The following ARHGEF18 variants were observed in gnomAD, a reference collection of about 807,000 sequenced individuals.
ARHGEF18 encodes Rho/Rac guanine nucleotide exchange factor 18, also known as rho guanine nucleotide exchange factor 18.
A neutral mutation model predicts 155.7 loss-of-function variants in ARHGEF18; 93 were observed. The observed-to-expected ratio is 0.60, with a 90% CI of 0.50 to 0.71. The LOEUF (loss-of-function observed/expected upper bound fraction) is 0.71. ARHGEF18 is among the 30% of genes least tolerant of loss of function. The pLI is 0.00. For synonymous variants in ARHGEF18, 742 were observed against 753.1 expected, an observed-to-expected ratio of 0.99 and a Z score of 0.24; for missense variants, 1,593 against 1,816.1, an observed-to-expected ratio of 0.88 and a Z score of 2.23.
intron 10 of ARHGEF18, among the ~76,000 whole-genome samples, chr19:7,410,696 T>G (rs11882466): frequency 0.62 from 92,950 of 150,686 alleles, 29,643 homozygotes; most frequent in East Asian, 0.8. Flanking sequence ...TATAATCCCA[T>G]TTACTTGGGA....
chr19:7,378,407 A>G lies in ARHGEF18; in HGVS notation c.555A>G (p.Pro185=). Residue 185 remains proline (P), a synonymous_variant, in exon 6 of 29, where the codon CCA becomes CCG. Coordinates refer to ENST00000668164, the MANE Select transcript of ARHGEF18 (RefSeq NM_001367823.1). ...PTPPVQGLEP[P]VLECMEKDHV... Reference sequence around the variant, plus strand: ...GGCTTCTTCCAGGCCTGGAACCTCCAGTGCTGGAGTGCATGGAAAAAGACC... The same window carrying G: ...GGCTTCTTCCAGGCCTGGAACCTCCGGTGCTGGAGTGCATGGAAAAAGACC... 1 of 1,234,358 alleles carries G rather than the reference A, an allele frequency of 8.1e-7. No homozygotes were observed. Among genetic ancestry groups the G allele is most frequent in the Non-Finnish European group, 1.0e-6 (1 of 988,224 alleles). 76.5% of individuals were successfully genotyped at this position (1,234,358 alleles called of 1,614,324 possible).
intron 2 of ARHGEF18, among the ~76,000 whole-genome samples, chr19:7,367,788 TTA>T (rs1407889165): frequency 2.2e-4 from 6 of 27,576 alleles, no homozygotes; most frequent in Non-Finnish European, 5.6e-4. Context: ...TATATATATT[TTA>T]TATATATATA....
At chr19:7,427,061 C>T (rs1431127739) in intron 10 of ARHGEF18, among the ~76,000 whole-genome samples, 2 of 152,024 alleles carry the variant, frequency 1.3e-5, no homozygotes, top group African/African-American at 2.4e-5. Flanking sequence ...CTCGTAAGCT[C>T]GAGGTGGGGA....
intron 10 of ARHGEF18, among the ~76,000 whole-genome samples, chr19:7,407,425 CAAA>C (rs59665719): frequency 3.7e-5 from 4 of 108,702 alleles, no homozygotes; most frequent in African/African-American, 3.2e-5. Context: ...GACTGAGTCT[CAAA>C]AAAAAAAAAA....
At chr19:7,416,530 CGTGTGTGT>C (rs71179108) in intron 10 of ARHGEF18, among the ~76,000 whole-genome samples, 1,767 of 105,940 alleles carry the variant, frequency 0.017, 40 homozygotes, top group African/African-American at 0.05. Flanking sequence ...GGAGAAAATT[CGTGTGTGT>C]GTGTGTGTGT....
At position 7,462,656 on chromosome 19, in the gene ARHGEF18, C is replaced by A. The variant is rs1976350347; in HGVS notation, c.2635+322C>A. Reference sequence around the variant, plus strand: ...GATCTGAAGTTGACTAAGACTGGTTCCCTACCTACCAGAGGTTCCTCTTCT... The same window carrying A: ...GATCTGAAGTTGACTAAGACTGGTTACCTACCTACCAGAGGTTCCTCTTCT... On this transcript the variant is annotated intron_variant, in intron 21 of 28. Coordinates refer to ENST00000668164, the MANE Select transcript of ARHGEF18 (RefSeq NM_001367823.1). This position sits in a 1 kb window ranked among gnomAD's most constrained non-coding sequence, Gnocchi z 4.4. Among the ~76,000 whole-genome samples, 1 of 151,784 alleles carries A rather than the reference C, an allele frequency of 6.6e-6. No homozygotes were observed. Among genetic ancestry groups the A allele is most frequent in the Admixed American group, 6.6e-5 (1 of 15,250 alleles).
intron 20 of ARHGEF18, 21 bp downstream of exon 20, chr19:7,460,015 GGGCACACCCCTTGTGT>G: frequency 1.3e-6 from 2 of 1,556,608 alleles, no homozygotes; most frequent in Non-Finnish European, 1.7e-6. Context: ...GACAGCGTCT[GGGCACACCCCTTGTGT>G]GGTGAGCCCT....
At chr19:7,387,626 TG>T (rs1287468961) in intron 10 of ARHGEF18, among the ~76,000 whole-genome samples, 26 of 152,128 alleles carry the variant, frequency 1.7e-4, no homozygotes. Flanking sequence ...ACAGCTCGCC[TG>T]TTCATTTATG....
chr19:7,399,773 CTT>C (rs776187441), intron 10 of ARHGEF18, among the ~76,000 whole-genome samples: 23 of 136,032 alleles, frequency 1.7e-4, no homozygotes, highest in Admixed American at 2.2e-4. Context: ...GCCACCACGC[CTT>C]TTTTTTTTTT....
intron 10 of ARHGEF18, among the ~76,000 whole-genome samples, chr19:7,420,918 C>T (rs1253866217): frequency 1.3e-5 from 2 of 152,128 alleles, no homozygotes; most frequent in East Asian, 3.9e-4. Context: ...CAGCTCTGTT[C>T]AAAACTGTTT....
intron 13 of ARHGEF18, among the ~76,000 whole-genome samples, chr19:7,442,871 C>T (rs1974753352): frequency 6.6e-6 from 1 of 152,012 alleles, no homozygotes. Flanking sequence ...CTCACAAGGT[C>T]TTCATGGTCT....
At chr19:7,426,693 A>G (rs1036310543) in intron 10 of ARHGEF18, among the ~76,000 whole-genome samples, 8 of 152,084 alleles carry the variant, frequency 5.3e-5, no homozygotes, top group African/African-American at 1.9e-4. Context: ...CGTGGCTGAG[A>G]GAACGTTTGC....
chr19:7,361,991 G>GGAAGAAGAAGAAAGAAGAA (rs1162434534), intron 1 of ARHGEF18, among the ~76,000 whole-genome samples: 6 of 79,116 alleles, frequency 7.6e-5, no homozygotes, highest in African/African-American at 3.3e-4. Context: ...AAGACTCTGT[G>GGAAGAAGAAGAAAGAAGAA]GAAGAAGAAG....
At position 7,383,186 on chromosome 19, in the gene ARHGEF18, A is replaced by G; in HGVS notation, c.950A>G (p.Lys317Arg). The change falls in exon 10 of 29, where the codon AAA (lysine) becomes AGA (arginine). Residue 317 changes from lysine to arginine, a missense_variant. Lys to Arg is a conservative substitution (Grantham distance 26). Transcript: ENST00000668164. ...SGPSSCPLCGKPFLSSASLKE... is the reference protein window; with the variant it reads ...SGPSSCPLCGRPFLSSASLKE... ...CCCTCCAGCTGCCCCCTGTGTGGCA[A>G]ACCTTTCTTGAGCTCAGGTAAGTCT... 8 of 1,232,296 alleles carry G rather than the reference A, an allele frequency of 6.5e-6. No homozygotes were observed. The highest frequency in any genetic ancestry group is 8.1e-6 in the Non-Finnish European group (8 of 988,090). The allele number at this position is 1,232,296 out of a possible 1,614,324, so 76.3% of individuals were successfully genotyped here.
intron 10 of ARHGEF18, among the ~76,000 whole-genome samples, chr19:7,399,554 C>T (rs780989349): frequency 2.0e-5 from 3 of 151,404 alleles, no homozygotes; most frequent in Non-Finnish European, 4.4e-5. Context: ...CGATCTTGGC[C>T]CACTGCAAGC....
At chr19:7,362,292 GGAAGAA>G (rs1279381860) in intron 1 of ARHGEF18, among the ~76,000 whole-genome samples, 1 of 148,156 alleles carries the variant, frequency 6.7e-6, no homozygotes, top group African/African-American at 2.5e-5. Flanking sequence ...AAGAGGAGGA[GGAAGAA>G]GGAGAAGGAG....
chr19:7,383,222 T>A lies in ARHGEF18; in HGVS notation c.967+19T>A. The A allele has an allele frequency of 8.1e-7, 1 of 1,232,330 alleles. No homozygotes were observed. Among genetic ancestry groups the A allele is most frequent in the Non-Finnish European group, 1.0e-6 (1 of 988,150 alleles). 76.3% of individuals were successfully genotyped at this position (1,232,330 alleles called of 1,614,324 possible). A position where few individuals can be genotyped will look rare whatever the true frequency, so the allele number is the denominator to read the frequency against. ...AGCTCAGGTAAGTCTGGTGGCCCAA[T>A]CCATCCTCCTGGAGGGCAGCCACTT... is the stretch of plus-strand genomic sequence containing the variant. On this transcript the variant is annotated intron_variant, in intron 10 of 28. Transcript: ENST00000668164.
intron 2 of ARHGEF18, among the ~76,000 whole-genome samples, chr19:7,365,605 C>T (rs8110797): frequency 0.047 from 7,091 of 152,200 alleles, 552 homozygotes; most frequent in African/African-American, 0.16. Flanking sequence ...GAACGGTGGG[C>T]TCTGGGGAAG....
chr19:7,461,303 C>G (rs911628759), intron 20 of ARHGEF18, among the ~76,000 whole-genome samples: 1 of 152,042 alleles, frequency 6.6e-6, no homozygotes, highest in Admixed American at 6.6e-5. Context: ...AATCCCAGCA[C>G]TTTGGGAGGC....
Sources: gnomAD v4.1 joint callset for allele counts (sites outside exome capture counted in the v4.1 genomes callset) on GRCh38, gnomAD v4.1.1 for gene constraint, Gnocchi (gnomAD v3.1) non-coding constraint, MANE v1.5 for transcripts, NCBI Gene and HGNC (gene_info 2026-07-23, HGNC 2026-07-21) for gene names.